Variants in DAB1 observed in about 807,000 individuals in gnomAD.
DAB1 encodes DAB adaptor protein 1.
A neutral mutation model predicts 64.6 loss-of-function variants in DAB1; 15 were observed. That is an observed-to-expected ratio of 0.23 (90% CI 0.16 to 0.36). The LOEUF (loss-of-function observed/expected upper bound fraction) is 0.36. DAB1 is among the 10% of genes least tolerant of loss of function. The pLI is 1.00. For synonymous variants in DAB1, 235 were observed against 251.9 expected (o/e 0.93, Z 0.64); for missense variants, 596 against 706.7 (o/e 0.84, Z 1.78).
chr1:57,093,942 C>A (rs1653919357), intron 4 of DAB1, among the ~76,000 whole-genome samples: 1 of 151,858 alleles, frequency 6.6e-6, no homozygotes, highest in Admixed American at 6.6e-5. Context: ...GGAGAAACCC[C>A]TTTCTACTAA....
At chr1:57,014,107 T>C (rs1276691401) in intron 12 of DAB1, among the ~76,000 whole-genome samples, 3 of 152,228 alleles carry the variant, frequency 2.0e-5, no homozygotes, top group Non-Finnish European at 4.4e-5. Flanking sequence ...TTCTATAATG[T>C]TTGAGCACAT....
chr1:57,938,530 GCT>G, intron 5 of DAB1, among the ~76,000 whole-genome samples: 1 of 152,116 alleles, frequency 6.6e-6, no homozygotes, highest in South Asian at 2.1e-4. Context: ...TCACTTGTTC[GCT>G]CTCTCTCACC....
chr1:57,350,364 A>G (rs139823856), intron 1 of DAB1, among the ~76,000 whole-genome samples: 4 of 152,246 alleles, frequency 2.6e-5, no homozygotes, highest in African/African-American at 9.6e-5. Flanking sequence ...CTACTCCTTT[A>G]CTTACCAATA....
intron 5 of DAB1, among the ~76,000 whole-genome samples, chr1:57,964,820 G>T (rs7412580): frequency 0.48 from 72,458 of 151,902 alleles, 18,030 homozygotes; most frequent in East Asian, 0.9. Context: ...GAAGAAGGAA[G>T]GAAAGAGGGA....
At chr1:58,031,989 C>CGTGTGTGTGTGTGTGTGTGT (rs59449665) in intron 5 of DAB1, among the ~76,000 whole-genome samples, 1 of 141,864 alleles carries the variant, frequency 7.0e-6, no homozygotes, top group African/African-American at 2.7e-5. Flanking sequence ...CTGATAGAAA[C>CGTGTGTGTGTGTGTGTGTGT]GTGTGTGTGT....
chr1:57,071,927 T>G (rs970456365), intron 5 of DAB1, among the ~76,000 whole-genome samples: 2 of 152,168 alleles, frequency 1.3e-5, no homozygotes, highest in Non-Finnish European at 2.9e-5. Context: ...GTAGGCCTTA[T>G]GCAAAACAGC....
At chr1:57,434,714 C>T (rs1685626999) in intron 7 of DAB1, among the ~76,000 whole-genome samples, 1 of 152,174 alleles carries the variant, frequency 6.6e-6, no homozygotes, top group South Asian at 2.1e-4. Context: ...TATGGTATAG[C>T]TTATTGATTC....
Position 57,312,071 on chromosome 1 carries a change from G to A in DAB1, c.-136-20905C>T, listed in dbSNP as rs61767412. Among the ~76,000 whole-genome samples, 1,140 of 152,298 alleles carry A rather than the reference G, an allele frequency of 7.5e-3. 28 individuals are homozygous for A. In the East Asian group the frequency reaches 0.08, roughly 11 times the overall value. ...CACAGTTGTTCCTTCATAACTGACTGTTGTTACTCTCTGTCAAAAGAAAGG... is the reference window on the plus strand; with the variant it reads ...CACAGTTGTTCCTTCATAACTGACTATTGTTACTCTCTGTCAAAAGAAAGG... On this transcript the variant is annotated intron_variant, in intron 1 of 14. Transcript: ENST00000371236.
At chr1:58,173,982 C>G (rs1656319192) in intron 4 of DAB1, among the ~76,000 whole-genome samples, 1 of 152,170 alleles carries the variant, frequency 6.6e-6, no homozygotes, top group Non-Finnish European at 1.5e-5. Flanking sequence ...CTACCACACA[C>G]TCTCAAAGGA....
intron 5 of DAB1, among the ~76,000 whole-genome samples, chr1:58,113,789 T>C (rs1253081018): frequency 6.6e-6 from 1 of 152,204 alleles, no homozygotes; most frequent in Non-Finnish European, 1.5e-5. Flanking sequence ...AGAGGAAGGC[T>C]GTTTTCAGTA....
chr1:57,673,171 C>A (rs957010513), intron 6 of DAB1, among the ~76,000 whole-genome samples: 41 of 152,194 alleles, frequency 2.7e-4, no homozygotes, highest in Non-Finnish European at 5.3e-4. Context: ...ATCTTCTTCT[C>A]GCTGTGTCCT....
At chr1:58,008,003 T>G (rs1181887725) in intron 5 of DAB1, among the ~76,000 whole-genome samples, 2 of 152,172 alleles carry the variant, frequency 1.3e-5, no homozygotes, top group Non-Finnish European at 1.5e-5. Flanking sequence ...GACTTAGGCA[T>G]GTGGCATACA....
chr1:57,182,686 C>T (rs911095541), intron 2 of DAB1, among the ~76,000 whole-genome samples: 3 of 152,010 alleles, frequency 2.0e-5, no homozygotes, highest in South Asian at 2.1e-4. Flanking sequence ...AGGCCAGTCT[C>T]GGGGTAAGGA....
At chr1:57,506,096 T>G (rs558014278) in intron 7 of DAB1, among the ~76,000 whole-genome samples, 1 of 152,190 alleles carries the variant, frequency 6.6e-6, no homozygotes, top group Non-Finnish European at 1.5e-5. Flanking sequence ...CTTGGTAACT[T>G]ATACTTAGGG....
At chr1:57,897,836 T>C (rs548771204) in intron 5 of DAB1, among the ~76,000 whole-genome samples, 1 of 152,262 alleles carries the variant, frequency 6.6e-6, no homozygotes, top group South Asian at 2.1e-4. Flanking sequence ...GGGAAGTGGC[T>C]TGCCAGCAGC....
intron 1 of DAB1, among the ~76,000 whole-genome samples, chr1:57,331,150 T>C (rs1287172522): frequency 6.6e-6 from 1 of 152,318 alleles, no homozygotes; most frequent in East Asian, 1.9e-4. Flanking sequence ...TTGTATTTTT[T>C]TTGACTCTCT....
chr1:57,496,765 G>C (rs1183866804), intron 7 of DAB1, among the ~76,000 whole-genome samples: 2 of 152,166 alleles, frequency 1.3e-5, no homozygotes, highest in African/African-American at 4.8e-5. Flanking sequence ...CTGAGGAACA[G>C]AGAGAACATG....
intron 5 of DAB1, among the ~76,000 whole-genome samples, chr1:58,109,589 T>C (rs1651858013): frequency 6.6e-6 from 1 of 152,024 alleles, no homozygotes; most frequent in African/African-American, 2.4e-5. Context: ...ACTCTTTGTA[T>C]TTTTAGTAGC....
At chr1:57,672,215 T>A (rs1646517563) in intron 6 of DAB1, among the ~76,000 whole-genome samples, 1 of 152,168 alleles carries the variant, frequency 6.6e-6, no homozygotes, top group Non-Finnish European at 1.5e-5. Context: ...CCTGTTATGT[T>A]GCCTCATTAA....
Sources: allele counts gnomAD v4.1 joint callset (sites outside exome capture counted in the v4.1 genomes callset), GRCh38; gene constraint gnomAD v4.1.1; transcripts MANE v1.5; gene names NCBI Gene and HGNC (gene_info 2026-07-23, HGNC 2026-07-21).